PAX5: variants seen among roughly 807,000 people sequenced by gnomAD.
The protein encoded by PAX5 is paired box 5.
Under a neutral mutation model 43.7 loss-of-function variants are expected in PAX5, and 9 were observed. The ratio of observed to expected loss-of-function variants is 0.21; its 90% CI spans 0.12 to 0.36. The LOEUF (loss-of-function observed/expected upper bound fraction) is 0.36. PAX5 is among the 10% of genes least tolerant of loss of function. PAX5 has a pLI of 1.00. For missense variants in PAX5, 383 were observed against 532.7 expected (o/e 0.72, Z 2.77); for synonymous variants, 228 against 214.3 (o/e 1.06, Z -0.56).
chr9:36,865,551 G>A (rs1054602867), intron 8 of PAX5, among the ~76,000 whole-genome samples: 7 of 152,278 alleles, frequency 4.6e-5, no homozygotes, highest in East Asian at 1.9e-4. Flanking sequence ...GGAAGGCAGC[G>A]GGAGAGGCTG....
intron 6 of PAX5, among the ~76,000 whole-genome samples, chr9:36,960,753 T>G (rs1003489486): frequency 3.9e-5 from 6 of 152,158 alleles, no homozygotes; most frequent in Non-Finnish European, 7.4e-5. Flanking sequence ...TCCACCCCAT[T>G]GTACCTGACT....
intron 5 of PAX5, among the ~76,000 whole-genome samples, chr9:36,992,449 G>A (rs982105152): frequency 4.6e-5 from 7 of 152,186 alleles, no homozygotes; most frequent in Admixed American, 2.0e-4. Context: ...CCAGGCTCTC[G>A]GGTGGCACGA....
chr9:37,032,732 G>A (rs149694126), intron 1 of PAX5, among the ~76,000 whole-genome samples: 2 of 152,356 alleles, frequency 1.3e-5, no homozygotes, highest in Non-Finnish European at 2.9e-5. Flanking sequence ...GAGTTACACA[G>A]TGGCCTAGTG....
At chr9:36,921,083 G>A (rs1468840017) in intron 7 of PAX5, among the ~76,000 whole-genome samples, 1 of 152,172 alleles carries the variant, frequency 6.6e-6, no homozygotes, top group African/African-American at 2.4e-5. Context: ...AAAGTGCTGG[G>A]ATTACAGGCG....
intron 5 of PAX5, among the ~76,000 whole-genome samples, chr9:36,980,091 C>T (rs1835781698): frequency 6.6e-6 from 1 of 152,234 alleles, no homozygotes; most frequent in African/African-American, 2.4e-5. Context: ...TGGCCCAATG[C>T]ACTGCTATGG....
chr9:36,874,484 C>T (rs1825745068), intron 8 of PAX5, among the ~76,000 whole-genome samples: 1 of 152,168 alleles, frequency 6.6e-6, no homozygotes, highest in African/African-American at 2.4e-5. Flanking sequence ...CTGGGCTGGA[C>T]TCCCACCCCT....
At chr9:36,938,856 G>A (rs1831789262) in intron 6 of PAX5, among the ~76,000 whole-genome samples, 1 of 152,088 alleles carries the variant, frequency 6.6e-6, no homozygotes, top group African/African-American at 2.4e-5. Context: ...CAGCTGCGAG[G>A]GCAACAAGGC....
intron 3 of PAX5, among the ~76,000 whole-genome samples, chr9:37,006,781 AC>A (rs1838436035): frequency 6.6e-6 from 1 of 151,832 alleles, no homozygotes; most frequent in African/African-American, 2.4e-5. Context: ...TGTAATTTGC[AC>A]CCCCTCTCTG....
At chr9:36,847,647 C>T (rs914690137) in intron 8 of PAX5, among the ~76,000 whole-genome samples, 12 of 152,154 alleles carry the variant, frequency 7.9e-5, no homozygotes, top group Non-Finnish European at 1.0e-4. Flanking sequence ...CAGCTGTGGG[C>T]GTGCTTGGGC....
intron 5 of PAX5, among the ~76,000 whole-genome samples, chr9:36,967,081 C>G (rs192621873): frequency 1.4e-3 from 209 of 152,280 alleles, no homozygotes; most frequent in African/African-American, 4.7e-3. Context: ...TTGGGCTGAC[C>G]CACAGGCTTA....
chr9:36,966,714 C>G lies in PAX5; in HGVS notation c.615G>C (p.Glu205Asp), dbSNP rs1834472142. 6.2e-7 allele frequency: 1 copy of G among 1,613,980 alleles called. No individual in the cohort carries two copies. ...NKRKRDEGIQ[E>D]SPVPNGHSLP... Reference sequence around the variant, plus strand: ...GCGAGTGGCCGTTCGGCACCGGAGACTCCTGAATACCTTTGATGAGCAGGA... The same window carrying G: ...GCGAGTGGCCGTTCGGCACCGGAGAGTCCTGAATACCTTTGATGAGCAGGA... The change falls in exon 6 of 10, where the codon GAG (glutamate) becomes GAC (aspartate). Residue 205 changes from glutamate to aspartate, a missense_variant. Glu to Asp is a conservative substitution (Grantham distance 45). This residue lies in a region of PAX5 where 291 missense variants were observed against 342.5 expected (regional missense o/e 0.85). Coordinates refer to ENST00000358127, the MANE Select transcript of PAX5 (RefSeq NM_016734.3).
chr9:36,979,123 T>C (rs1835698763), intron 5 of PAX5, among the ~76,000 whole-genome samples: 1 of 152,240 alleles, frequency 6.6e-6, no homozygotes, highest in African/African-American at 2.4e-5. Flanking sequence ...TGCTTCTTCA[T>C]TTCAGAGCTT....
At chr9:36,973,475 G>A (rs1169562503) in intron 5 of PAX5, among the ~76,000 whole-genome samples, 1 of 152,188 alleles carries the variant, frequency 6.6e-6, no homozygotes, top group Non-Finnish European at 1.5e-5. Context: ...CAATGAGCTT[G>A]GAATTGGCAT....
intron 3 of PAX5, among the ~76,000 whole-genome samples, chr9:37,010,548 C>A (rs1455156172): frequency 6.6e-6 from 1 of 152,162 alleles, no homozygotes; most frequent in African/African-American, 2.4e-5. Context: ...GACTTTGTGG[C>A]ATTTAAGGAT....
intron 7 of PAX5, among the ~76,000 whole-genome samples, chr9:36,910,795 G>C (rs870559): frequency 6.6e-6 from 1 of 151,906 alleles, no homozygotes; most frequent in Non-Finnish European, 1.5e-5. Flanking sequence ...CTGACCCCGC[G>C]CTGTGTGAAG....
chr9:36,992,872 G>A (rs898302693), intron 5 of PAX5, among the ~76,000 whole-genome samples: 4 of 152,228 alleles, frequency 2.6e-5, no homozygotes, highest in African/African-American at 9.7e-5. Flanking sequence ...GTTGGAAGAA[G>A]GGGTCCCCAA....
chr9:37,005,109 A>G (rs900838122), intron 4 of PAX5, among the ~76,000 whole-genome samples: 23 of 152,362 alleles, frequency 1.5e-4, no homozygotes, highest in African/African-American at 4.6e-4. Flanking sequence ...ATAGTTGGTC[A>G]GCTACAAGTG....
chr9:37,010,992 G>A (rs1167163158), intron 3 of PAX5, among the ~76,000 whole-genome samples: 5 of 152,176 alleles, frequency 3.3e-5, no homozygotes, highest in Admixed American at 2.6e-4. Flanking sequence ...CATGGTGGTG[G>A]CACCTGTAGT....
intron 1 of PAX5, among the ~76,000 whole-genome samples, chr9:37,024,956 T>C (rs1351423578): frequency 6.6e-6 from 1 of 152,228 alleles, no homozygotes; most frequent in Admixed American, 6.5e-5. Context: ...GCTCCTTGGC[T>C]GAGCCAAGGG....
Sources: allele counts gnomAD v4.1 joint callset (sites outside exome capture counted in the v4.1 genomes callset), GRCh38; gene constraint gnomAD v4.1.1; regional missense constraint gnomAD v4.1.1; transcripts MANE v1.5; gene names NCBI Gene and HGNC (gene_info 2026-07-23, HGNC 2026-07-21).